Variants in AGO2 observed in about 807,000 individuals in gnomAD.
The protein encoded by AGO2 is protein argonaute-2.
A neutral mutation model predicts 102.3 loss-of-function variants in AGO2; 5 were observed. The ratio of observed to expected loss-of-function variants is 0.05; its 90% confidence interval spans 0.03 to 0.10. The LOEUF is 0.10. Ranked by LOEUF, AGO2 falls within the 10% of genes least tolerant of loss-of-function variation. AGO2 has a pLI of 1.00. For missense variants in AGO2, 541 were observed against 1,183.7 expected (o/e 0.46, Z 7.97); for synonymous variants, 449 against 473.1 (o/e 0.95, Z 0.66).
intron 1 of AGO2, among the ~76,000 whole-genome samples, chr8:140,598,196 T>A (rs1029477194): frequency 6.6e-6 from 1 of 152,102 alleles, no homozygotes; most frequent in Non-Finnish European, 1.5e-5. Context: ...CCACGACCCG[T>A]ATGGGAAGAT....
At chr8:140,641,432 C>T in the AGO2 span, among the ~76,000 whole-genome samples, 26 of 152,026 alleles carry the variant, frequency 1.7e-4, no homozygotes, top group Non-Finnish European at 3.1e-4. Context: ...CAATTTTTAG[C>T]TTTCCACAAT....
chr8:140,581,161 G>A (rs2073551289), intron 2 of AGO2, among the ~76,000 whole-genome samples: 1 of 152,238 alleles, frequency 6.6e-6, no homozygotes, highest in Non-Finnish European at 1.5e-5. Flanking sequence ...CCAGCACTTT[G>A]GGAGGCCAAG....
chr8:140,600,398 A>C (rs1482447740), intron 1 of AGO2, among the ~76,000 whole-genome samples: 2 of 152,152 alleles, frequency 1.3e-5, no homozygotes, highest in African/African-American at 4.8e-5. Flanking sequence ...TCCAAAACAC[A>C]GGCCGGGCGC....
intron 1 of AGO2, 105 bp downstream of exon 1, chr8:140,635,380 C>T: frequency 4.9e-6 from 4 of 815,928 alleles, no homozygotes; most frequent in Non-Finnish European, 4.4e-6. Context: ...CCGCCCCGAC[C>T]CCGCGGCCCC....
chr8:140,590,171 C>T (rs1023392259), intron 1 of AGO2, among the ~76,000 whole-genome samples: 3 of 152,166 alleles, frequency 2.0e-5, no homozygotes, highest in Admixed American at 6.5e-5. Context: ...CTGGCCCAGG[C>T]GTCACAGCTG....
chr8:140,604,803 G>C (rs1012838905), intron 1 of AGO2, among the ~76,000 whole-genome samples: 11 of 150,226 alleles, frequency 7.3e-5, no homozygotes, highest in Non-Finnish European at 1.5e-4. Context: ...CTCCAGCCTG[G>C]GCGACAGAGC....
At chr8:140,601,659 A>G (rs559271996) in intron 1 of AGO2, among the ~76,000 whole-genome samples, 4 of 152,350 alleles carry the variant, frequency 2.6e-5, no homozygotes, top group East Asian at 3.9e-4. Context: ...TCTGCCAGCT[A>G]GAGTCATCTC....
intron 8 of AGO2, among the ~76,000 whole-genome samples, chr8:140,556,694 C>A (rs1014364162): frequency 1.3e-5 from 2 of 152,170 alleles, no homozygotes; most frequent in African/African-American, 4.8e-5. Flanking sequence ...AGGATCTAAA[C>A]ACCAAGGGAA....
intron 1 of AGO2, among the ~76,000 whole-genome samples, chr8:140,610,749 C>T (rs932313985): frequency 2.0e-5 from 3 of 152,168 alleles, no homozygotes; most frequent in African/African-American, 7.2e-5. Context: ...GTTGGGAGCC[C>T]CTGTCCTGCC....
At chr8:140,635,260 G>A (rs2074391619) in intron 1 of AGO2, among the ~76,000 whole-genome samples, 1 of 146,138 alleles carries the variant, frequency 6.8e-6, no homozygotes, top group South Asian at 2.1e-4. Flanking sequence ...GGCCGAGGAG[G>A]CCGGGGCTGC....
intron 10 of AGO2, 73 bp from the exon 11 acceptor site, chr8:140,551,509 C>T: frequency 7.2e-7 from 1 of 1,382,316 alleles, no homozygotes; most frequent in South Asian, 1.8e-5. Context: ...CTTTGTCACT[C>T]TCACTGTTGG....
In AGO2 at chr8:140,528,168, C is replaced by T. The variant is rs551077472; in HGVS notation, c.*3876G>A. 10 of 152,306 alleles carry T rather than the reference C, an allele frequency of 6.6e-5. No homozygotes were observed. The highest frequency in any genetic ancestry group is 2.4e-4 in the African/African-American group (10 of 41,584). The allele number at this position is 152,306 out of a possible 1,614,324, so 9.4% of individuals were successfully genotyped here. A position where few individuals can be genotyped will look rare whatever the true frequency, so the allele number is the denominator to read the frequency against. ...AAAAACAATTCATCCAGAAAAATCACATTTGTGGCTTTCAAAAATAAATCA... is the reference window on the plus strand; with the variant it reads ...AAAAACAATTCATCCAGAAAAATCATATTTGTGGCTTTCAAAAATAAATCA... On this transcript the variant is annotated 3_prime_UTR_variant, in exon 19 of 19. Coordinates refer to ENST00000220592, the MANE Select transcript of AGO2 (RefSeq NM_012154.5). The surrounding 1 kb of genome is among the most constrained non-coding windows in gnomAD (Gnocchi z 4.5).
At chr8:140,535,618 C>T (rs751128378) in intron 16 of AGO2, 49 bp from the exon 17 acceptor site, 1 of 1,598,910 alleles carries the variant, frequency 6.3e-7, no homozygotes. Flanking sequence ...ACCGGCAGAG[C>T]CAAGCAGGCG....
rs747974202 is a variant in AGO2, at chr8:140,539,482, G to C, written c.2035-28C>G. The stretch of plus-strand genomic sequence containing the variant: ...AGGGGTACGGGAGGGAGGAGGTTGT[G>C]CTTAAAGATGGTAGTGCATGTGAGC... On this transcript the variant is annotated intron_variant, in intron 15 of 18. Transcript: ENST00000220592. The surrounding 1 kb of genome is among the most constrained non-coding windows in gnomAD (Gnocchi z 4.7). The C allele has an allele frequency of 1.3e-6, 2 of 1,595,886 alleles. No individual in the cohort carries two copies. The highest frequency in any genetic ancestry group is 1.7e-6 in the Non-Finnish European group (2 of 1,169,886).
intron 1 of AGO2, among the ~76,000 whole-genome samples, chr8:140,620,659 A>T (rs2074206677): frequency 6.6e-6 from 1 of 151,988 alleles, no homozygotes; most frequent in South Asian, 2.1e-4. Flanking sequence ...TGAGCTCAGG[A>T]GTTTGAGACC....
intron 1 of AGO2, among the ~76,000 whole-genome samples, chr8:140,613,089 A>G (rs898774687): frequency 1.4e-4 from 21 of 151,624 alleles, no homozygotes; most frequent in African/African-American, 5.1e-4. Flanking sequence ...AGTCCCAGCT[A>G]CTCGGGAGGC....
intron 1 of AGO2, among the ~76,000 whole-genome samples, chr8:140,587,478 G>A (rs1427949626): frequency 6.6e-6 from 1 of 152,240 alleles, no homozygotes; most frequent in Non-Finnish European, 1.5e-5. Flanking sequence ...AGACCTTGGG[G>A]TGCCTGAAAT....
intron 1 of AGO2, among the ~76,000 whole-genome samples, chr8:140,586,050 T>C (rs2073649748): frequency 1.3e-5 from 2 of 152,212 alleles, no homozygotes; most frequent in Non-Finnish European, 2.9e-5. Context: ...GTTACACCAT[T>C]TGGAAATGGT....
At chr8:140,640,811 G>T in the AGO2 span, among the ~76,000 whole-genome samples, 10 of 152,082 alleles carry the variant, frequency 6.6e-5, no homozygotes, top group Non-Finnish European at 7.4e-5. Context: ...GAGCCACCAC[G>T]CCTGGCCCAG....
Sources: gnomAD v4.1 joint callset for allele counts (sites outside exome capture counted in the v4.1 genomes callset) on GRCh38, gnomAD v4.1.1 for gene constraint, Gnocchi (gnomAD v3.1) non-coding constraint, MANE v1.5 for transcripts, NCBI Gene and HGNC (gene_info 2026-07-23, HGNC 2026-07-21) for gene names.